The following ABTB2 variants were observed in gnomAD, a reference collection of about 807,000 sequenced individuals.
ABTB2 encodes ankyrin repeat and BTB/POZ domain-containing protein 2.
ABTB2 carries 56 observed loss-of-function variants against 104.1 expected under a neutral mutation model. The observed-to-expected ratio is 0.54, with a 90% confidence interval of 0.43 to 0.67. The LOEUF is 0.67. ABTB2 is among the 30% of genes least tolerant of loss of function. The pLI, the probability that ABTB2 is intolerant of heterozygous loss-of-function variation, is 0.00. For missense variants in ABTB2, 1,279 were observed against 1,407.7 expected (o/e 0.91, Z 1.46); for synonymous variants, 606 against 608.2 (o/e 1.00, Z 0.05).
intron 1 of ABTB2, among the ~76,000 whole-genome samples, chr11:34,229,493 A>G (rs183596105): frequency 0.01 from 1,524 of 152,066 alleles, 16 homozygotes; most frequent in Non-Finnish European, 0.015. Flanking sequence ...AAAAAAAAAA[A>G]AAAGAAAGAA....
intron 1 of ABTB2, among the ~76,000 whole-genome samples, chr11:34,287,257 A>G (rs1854516497): frequency 1.3e-5 from 2 of 151,930 alleles, no homozygotes; most frequent in Admixed American, 1.3e-4. Context: ...ATGATAATTT[A>G]AAAAATATAC....
At chr11:34,191,281 A>G (rs1300232518) in intron 3 of ABTB2, among the ~76,000 whole-genome samples, 4 of 152,172 alleles carry the variant, frequency 2.6e-5, no homozygotes, top group Admixed American at 2.6e-4. Flanking sequence ...AGAGAAAAAA[A>G]GCCCCAGGTG....
At chr11:34,175,561 T>C (rs1342621169) in intron 3 of ABTB2, among the ~76,000 whole-genome samples, 6 of 152,240 alleles carry the variant, frequency 3.9e-5, no homozygotes, top group African/African-American at 1.4e-4. Flanking sequence ...AAATTGTAAG[T>C]TGCACCATCA....
intron 1 of ABTB2, among the ~76,000 whole-genome samples, chr11:34,212,551 G>C (rs1054737224): frequency 1.3e-5 from 2 of 152,122 alleles, no homozygotes; most frequent in Non-Finnish European, 2.9e-5. Context: ...TTTGACTGAG[G>C]TCCACAGCTA....
At chr11:34,319,496 G>A (rs189775322) in intron 1 of ABTB2, among the ~76,000 whole-genome samples, 127 of 152,288 alleles carry the variant, frequency 8.3e-4, no homozygotes, top group Non-Finnish European at 4.4e-5. Flanking sequence ...CATACACCAA[G>A]TATATGCAGT....
At chr11:34,259,797 C>T (rs192319056) in intron 1 of ABTB2, among the ~76,000 whole-genome samples, 221 of 152,202 alleles carry the variant, frequency 1.5e-3, no homozygotes, top group Admixed American at 2.8e-3. Context: ...GAGACCTTCC[C>T]CTAAATAAAC....
chr11:34,265,688 G>C (rs148695268), intron 1 of ABTB2, among the ~76,000 whole-genome samples: 3,547 of 99,318 alleles, frequency 0.036, 214 homozygotes, highest in African/African-American at 0.11. Flanking sequence ...AAAAAAAAAA[G>C]CCGGGCACGG....
chr11:34,188,341 G>A (rs1447430607), intron 3 of ABTB2, among the ~76,000 whole-genome samples: 2 of 152,190 alleles, frequency 1.3e-5, no homozygotes, highest in African/African-American at 4.8e-5. Context: ...CAGACCGAGG[G>A]CACTTACATT....
intron 1 of ABTB2, among the ~76,000 whole-genome samples, chr11:34,217,455 A>C (rs2133048208): frequency 6.6e-6 from 1 of 150,546 alleles, no homozygotes; most frequent in East Asian, 1.9e-4. Flanking sequence ...TGTAGATATA[A>C]GTTTTTTTTG....
In ABTB2 at chr11:34,357,222, G is replaced by C. The variant is rs1402600097; in HGVS notation, c.362C>G (p.Ser121Cys). Residue 121 changes from serine to cysteine, a missense_variant, in exon 1 of 17, where the codon TCC becomes TGC. Ser to Cys is a moderately radical substitution (Grantham distance 112, BLOSUM62 -1). Transcript: ENST00000435224. Reference sequence around the variant, plus strand: ...GGCCAGGCGCCTCACCGCCTCGGCGGAGAACTGGGGCAGCCGCCGGCCGCC... The same window carrying C: ...GGCCAGGCGCCTCACCGCCTCGGCGCAGAACTGGGGCAGCCGCCGGCCGCC... ...GAGGRRLPQF[S>C]AEAVRRLAGL... 1 of 1,510,106 alleles carries C rather than the reference G, an allele frequency of 6.6e-7. No individual in the cohort carries two copies. The highest frequency in any genetic ancestry group is 1.2e-5 in the South Asian group (1 of 80,434). The allele number at this position is 1,510,106 out of a possible 1,614,324, so 93.5% of individuals were successfully genotyped here.
intron 1 of ABTB2, among the ~76,000 whole-genome samples, chr11:34,229,655 T>G (rs1332169566): frequency 6.6e-6 from 1 of 152,178 alleles, no homozygotes; most frequent in Non-Finnish European, 1.5e-5. Flanking sequence ...AATAAAGCTC[T>G]CTCACTAGTT....
chr11:34,262,648 C>G (rs929756101), intron 1 of ABTB2, among the ~76,000 whole-genome samples: 6 of 152,202 alleles, frequency 3.9e-5, no homozygotes, highest in African/African-American at 1.2e-4. Context: ...CAAGGCCCCA[C>G]AGCAGGGACT....
At chr11:34,296,428 A>C (rs1460617065) in intron 1 of ABTB2, among the ~76,000 whole-genome samples, 2 of 152,206 alleles carry the variant, frequency 1.3e-5, no homozygotes, top group Non-Finnish European at 2.9e-5. Context: ...TAGTCAGAGA[A>C]AAGGAAGTTT....
At chr11:34,313,110 A>C (rs1194343352) in intron 1 of ABTB2, among the ~76,000 whole-genome samples, 1 of 152,276 alleles carries the variant, frequency 6.6e-6, no homozygotes, top group Non-Finnish European at 1.5e-5. Flanking sequence ...TGAAAGAGTT[A>C]ACAATAGCTC....
At chr11:34,315,147 A>C (rs1300580913) in intron 1 of ABTB2, among the ~76,000 whole-genome samples, 1 of 152,240 alleles carries the variant, frequency 6.6e-6, no homozygotes, top group Non-Finnish European at 1.5e-5. Context: ...GCATGAGGCC[A>C]CGTGAGCGCA....
rs758378939 is a variant in ABTB2 at position 34,252,118 on chromosome 11, C to T, written c.884-47428G>A. ...TCACAGCAAGGCCCGGATGGTGGTT[C>T]GGAGTTCATGCTCCAGGGGTTCATG... On this transcript the variant is annotated intron_variant, in intron 1 of 16. Coordinates refer to ENST00000435224, the MANE Select transcript of ABTB2 (RefSeq NM_145804.3). This position sits in a 1 kb window ranked among gnomAD's most constrained non-coding sequence, Gnocchi z 5.5. Among the ~76,000 whole-genome samples, 9 of 152,118 alleles carry T rather than the reference C, an allele frequency of 5.9e-5. No individual in the cohort carries two copies. Among genetic ancestry groups the T allele is most frequent in the South Asian group, 2.1e-4 (1 of 4,820 alleles).
At chr11:34,273,786 A>G (rs1025940382) in intron 1 of ABTB2, among the ~76,000 whole-genome samples, 1 of 152,204 alleles carries the variant, frequency 6.6e-6, no homozygotes, top group African/African-American at 2.4e-5. Context: ...TGACTGCATC[A>G]TGGGCATCAC....
chr11:34,159,430 C>G, intron 13 of ABTB2, 44 bp from the exon 14 acceptor site: 1 of 1,334,560 alleles, frequency 7.5e-7, no homozygotes, highest in Non-Finnish European at 1.1e-6. Context: ...GAACCTTTTA[C>G]TTCACCACTG....
intron 1 of ABTB2, among the ~76,000 whole-genome samples, chr11:34,266,765 TC>T (rs1171403443): frequency 6.6e-6 from 1 of 151,642 alleles, no homozygotes; most frequent in African/African-American, 2.4e-5. Flanking sequence ...ATTTCCCAGA[TC>T]CCCCTCCCCC....
Sources: gnomAD v4.1 joint callset for allele counts (sites outside exome capture counted in the v4.1 genomes callset) on GRCh38, gnomAD v4.1.1 for gene constraint, Gnocchi (gnomAD v3.1) non-coding constraint, MANE v1.5 for transcripts, NCBI Gene and HGNC (gene_info 2026-07-23, HGNC 2026-07-21) for gene names.